FAM184B: variants seen among roughly 807,000 people sequenced by gnomAD.
FAM184B encodes family with sequence similarity 184 member B.
In FAM184B, 111 loss-of-function variants were observed where a neutral mutation model predicts 135.9. The observed-to-expected ratio is 0.82, with a 90% CI of 0.70 to 0.96. FAM184B has a LOEUF of 0.96. Among genes scored for constraint, FAM184B ranks in the 40% least tolerant of loss-of-function variants. FAM184B has a pLI of 0.00. For missense variants in FAM184B, 1,375 were observed against 1,323.9 expected (o/e 1.04, Z -0.60); for synonymous variants, 552 against 524.8 (o/e 1.05, Z -0.71).
chr4:17,719,448 G>A (rs1183984545), intron 1 of FAM184B, among the ~76,000 whole-genome samples: 1 of 152,068 alleles, frequency 6.6e-6, no homozygotes, highest in Non-Finnish European at 1.5e-5. Flanking sequence ...AGACTTCTTT[G>A]GTCCACCTTG....
chr4:17,674,263 A>C (rs1716260316), intron 7 of FAM184B, among the ~76,000 whole-genome samples: 1 of 152,186 alleles, frequency 6.6e-6, no homozygotes, highest in Non-Finnish European at 1.5e-5. Context: ...CAATAAAGCA[A>C]ATATTGTGAT....
chr4:17,735,368 C>G (rs368719783), intron 1 of FAM184B, among the ~76,000 whole-genome samples: 1 of 151,420 alleles, frequency 6.6e-6, no homozygotes, highest in South Asian at 2.1e-4. Flanking sequence ...AAAGAAAGTT[C>G]GATTATAAAA....
chr4:17,743,547 G>A (rs570793630), intron 1 of FAM184B, among the ~76,000 whole-genome samples: 4 of 152,218 alleles, frequency 2.6e-5, no homozygotes, highest in East Asian at 1.9e-4. Context: ...TCACTCCTGC[G>A]GTGATCTTCC....
intron 7 of FAM184B, among the ~76,000 whole-genome samples, chr4:17,668,845 C>T (rs1716111365): frequency 6.6e-6 from 1 of 152,142 alleles, no homozygotes; most frequent in African/African-American, 2.4e-5. Context: ...CTTGCTACCA[C>T]AATTTTCTTA....
chr4:17,693,451 A>G, intron 5 of FAM184B, 39 bp from the exon 6 acceptor site: 1 of 1,485,300 alleles, frequency 6.7e-7, no homozygotes, highest in Non-Finnish European at 9.2e-7. Flanking sequence ...ACAAGGCACG[A>G]AAACAGGACA....
intron 10 of FAM184B, among the ~76,000 whole-genome samples, chr4:17,655,126 G>T (rs983021449): frequency 1.6e-4 from 25 of 152,178 alleles, no homozygotes; most frequent in African/African-American, 6.0e-4. Flanking sequence ...GATTACAGGC[G>T]TGAGCCACCA....
intron 1 of FAM184B, among the ~76,000 whole-genome samples, chr4:17,770,745 C>T (rs1206829462): frequency 3.9e-5 from 6 of 152,258 alleles, no homozygotes; most frequent in East Asian, 1.9e-4. Context: ...GGATTACAGG[C>T]GTGAGCCACC....
intron 7 of FAM184B, among the ~76,000 whole-genome samples, chr4:17,667,712 T>G (rs1716088170): frequency 6.6e-6 from 1 of 152,250 alleles, no homozygotes. Flanking sequence ...CTTTCTTCCC[T>G]ACATACTCTG....
At position 17,710,967 on chromosome 4, in the gene FAM184B, G is replaced by C. The variant is rs913087276; in HGVS notation, c.142-1323C>G. On this transcript the variant is annotated intron_variant, in intron 1 of 17. Transcript: ENST00000265018. The stretch of plus-strand genomic sequence containing the variant: ...AGGAGGCAGCCTGAGCTACAGAGGA[G>C]GGGGGTGAAGTCAGGAGAGTTTTGT... Among the ~76,000 whole-genome samples, 5 of 152,302 alleles carry C rather than the reference G, an allele frequency of 3.3e-5. No individual in the cohort carries two copies. The South Asian group carries it at 1.0e-3, about 32-fold the overall frequency.
intron 11 of FAM184B, among the ~76,000 whole-genome samples, chr4:17,649,774 C>T (rs1320345356): frequency 6.6e-6 from 1 of 152,074 alleles, no homozygotes; most frequent in Non-Finnish European, 1.5e-5. Flanking sequence ...ACCCTCCTCT[C>T]TCATACCTTC....
At chr4:17,657,713 A>G (rs1044247652) in intron 10 of FAM184B, among the ~76,000 whole-genome samples, 1 of 139,636 alleles carries the variant, frequency 7.2e-6, no homozygotes, top group Non-Finnish European at 1.5e-5. Flanking sequence ...ATGGAATGCA[A>G]TGGCATAGTC....
chr4:17,724,560 T>C (rs1256572711), intron 1 of FAM184B, among the ~76,000 whole-genome samples: 2 of 152,206 alleles, frequency 1.3e-5, no homozygotes, highest in Non-Finnish European at 2.9e-5. Context: ...GTGTTGTCTC[T>C]TCCACCAAGA....
At chr4:17,761,910 TCTC>T (rs535340474) in intron 1 of FAM184B, among the ~76,000 whole-genome samples, 21 of 152,150 alleles carry the variant, frequency 1.4e-4, no homozygotes, top group Non-Finnish European at 2.9e-5. Flanking sequence ...CTTAAAAGGC[TCTC>T]CTCCTTTGCT....
intron 9 of FAM184B, among the ~76,000 whole-genome samples, chr4:17,659,488 T>C (rs757058978): frequency 6.6e-6 from 1 of 150,502 alleles, no homozygotes; most frequent in Non-Finnish European, 1.5e-5. Context: ...GCACAACAGG[T>C]TTTTTATTTT....
intron 1 of FAM184B, among the ~76,000 whole-genome samples, chr4:17,743,324 C>T (rs568459444): frequency 5.9e-5 from 9 of 152,056 alleles, no homozygotes; most frequent in Non-Finnish European, 1.0e-4. Context: ...TGTCAGCCAC[C>T]GAAGAATTTA....
intron 1 of FAM184B, among the ~76,000 whole-genome samples, chr4:17,772,899 A>C (rs1399001825): frequency 6.6e-6 from 1 of 152,258 alleles, no homozygotes; most frequent in Non-Finnish European, 1.5e-5. Flanking sequence ...AGATCACTCC[A>C]GGAGCAAGAA....
Position 17,666,941 on chromosome 4 carries a change from T to C in FAM184B, c.1597-2282A>G, listed in dbSNP as rs865796235. Among the ~76,000 whole-genome samples the C allele has an allele frequency of 4.2e-4, 62 of 147,078 alleles. No homozygotes were observed. The Middle Eastern group carries it at 0.011, about 25-fold the overall frequency. ...CCATACTTGCCCTACACCCACTTTT[T>C]TTTTTGTTTTTTTGTTTTTTTGTTT... On this transcript the variant is annotated intron_variant, in intron 7 of 17. Transcript: ENST00000265018.
intron 1 of FAM184B, among the ~76,000 whole-genome samples, chr4:17,759,618 G>A (rs1210939496): frequency 2.0e-5 from 3 of 151,764 alleles, no homozygotes; most frequent in African/African-American, 7.3e-5. Context: ...TCAGCCTCCC[G>A]AGTAGCTGAG....
chr4:17,695,602 C>A (rs1339682744), intron 5 of FAM184B, among the ~76,000 whole-genome samples: 2 of 151,878 alleles, frequency 1.3e-5, no homozygotes, highest in African/African-American at 4.8e-5. Flanking sequence ...GGTGGCAGTG[C>A]AGCTGGGAGG....
Sources: allele counts gnomAD v4.1 joint callset (sites outside exome capture counted in the v4.1 genomes callset), GRCh38; gene constraint gnomAD v4.1.1; transcripts MANE v1.5; gene names NCBI Gene and HGNC (gene_info 2026-07-23, HGNC 2026-07-21).